SUPT3H: variants seen among roughly 807,000 people sequenced by gnomAD.
SUPT3H encodes the protein SPT3 homolog, SAGA and STAGA complex component.
Under a neutral mutation model 44.3 loss-of-function variants are expected in SUPT3H, and 44 were observed. That is an observed-to-expected ratio of 0.99 (90% CI 0.78 to 1.28). SUPT3H has a LOEUF of 1.28. SUPT3H is among the 50% of genes most tolerant of loss of function. The pLI is 0.00. For synonymous variants in SUPT3H, 124 were observed against 125.6 expected (o/e 0.99, Z 0.09); for missense variants, 380 against 387.1 (o/e 0.98, Z 0.15).
At position 44,921,187 on chromosome 6, in the gene SUPT3H, A is replaced by G. The variant is rs16872874; in HGVS notation, c.912+11466T>C. ...TTGAATAAATGCAGGTATCAAAGCT[A>G]TAAGGATCTCAGGACACATGTGGAT... On this transcript the variant is annotated intron_variant, in intron 10 of 10. Coordinates refer to ENST00000371459, the MANE Select transcript of SUPT3H (RefSeq NM_003599.4). 3.9e-3 allele frequency among the ~76,000 whole-genome samples: 598 copies of G among 152,352 alleles called. 7 individuals carry two copies. The highest frequency in any genetic ancestry group is 0.014 in the African/African-American group (569 of 41,590).
intron 10 of SUPT3H, among the ~76,000 whole-genome samples, chr6:44,910,791 C>T (rs1012411522): frequency 6.6e-6 from 1 of 151,206 alleles, no homozygotes; most frequent in Non-Finnish European, 1.5e-5. Context: ...GTCAGGAGTT[C>T]AAGACCAGTC....
intron 6 of SUPT3H, among the ~76,000 whole-genome samples, chr6:44,976,658 C>T (rs370315270): frequency 2.0e-5 from 3 of 152,142 alleles, no homozygotes; most frequent in South Asian, 4.1e-4. Context: ...GCACTGCGCC[C>T]GGCCATATTT....
intron 2 of SUPT3H, among the ~76,000 whole-genome samples, chr6:45,220,042 A>C (rs75034354): frequency 2.0e-4 from 8 of 39,318 alleles, no homozygotes; most frequent in African/African-American, 9.5e-4. Flanking sequence ...CTCTGTCTCA[A>C]AAAAAAAAAA....
At chr6:45,122,340 T>G (rs1583661978) in intron 2 of SUPT3H, among the ~76,000 whole-genome samples, 1 of 152,166 alleles carries the variant, frequency 6.6e-6, no homozygotes, top group Non-Finnish European at 1.5e-5. Flanking sequence ...CTACTTAAAT[T>G]TTCTTAAAAT....
chr6:44,898,180 A>G (rs1764394560), intron 10 of SUPT3H, among the ~76,000 whole-genome samples: 1 of 152,200 alleles, frequency 6.6e-6, no homozygotes, highest in South Asian at 2.1e-4. Context: ...TATCCTTCTT[A>G]AGGTATGGTG....
At chr6:45,266,172 T>TA (rs957886656) in intron 2 of SUPT3H, among the ~76,000 whole-genome samples, 1 of 151,424 alleles carries the variant, frequency 6.6e-6, no homozygotes, top group African/African-American at 2.4e-5. Flanking sequence ...ATTTTTTTTT[T>TA]AAGAAAGAGA....
At chr6:44,841,118 G>C (rs1031161370) in intron 10 of SUPT3H, among the ~76,000 whole-genome samples, 1 of 152,100 alleles carries the variant, frequency 6.6e-6, no homozygotes, top group Non-Finnish European at 1.5e-5. Context: ...GTACAGCCTG[G>C]AGAACCATGA....
At chr6:45,252,883 G>T (rs1315243644) in intron 2 of SUPT3H, among the ~76,000 whole-genome samples, 3 of 151,996 alleles carry the variant, frequency 2.0e-5, no homozygotes, top group African/African-American at 7.3e-5. Context: ...GCATTCCTAT[G>T]GATTATTCCT....
chr6:45,181,617 C>T (rs1349069234), intron 2 of SUPT3H, among the ~76,000 whole-genome samples: 1 of 149,232 alleles, frequency 6.7e-6, no homozygotes, highest in East Asian at 2.0e-4. Context: ...ATCGCAAGGA[C>T]AAAAAACCAA....
intron 2 of SUPT3H, among the ~76,000 whole-genome samples, chr6:45,218,090 T>C (rs953019604): frequency 1.3e-5 from 2 of 151,996 alleles, no homozygotes; most frequent in African/African-American, 2.4e-5. Context: ...AAATATACCA[T>C]TTAAAGGGGC....
At chr6:45,275,885 AAAAG>A (rs1776931787) in intron 2 of SUPT3H, among the ~76,000 whole-genome samples, 1 of 152,164 alleles carries the variant, frequency 6.6e-6, no homozygotes, top group Non-Finnish European at 1.5e-5. Flanking sequence ...AAAAAATTAA[AAAAG>A]AAACACACAC....
intron 10 of SUPT3H, among the ~76,000 whole-genome samples, chr6:44,896,461 T>C (rs899908802): frequency 6.6e-6 from 1 of 152,098 alleles, no homozygotes; most frequent in Non-Finnish European, 1.5e-5. Flanking sequence ...TACAGAGAGG[T>C]TAAGTAACTT....
chr6:45,082,910 A>C (rs1795998218), intron 3 of SUPT3H, among the ~76,000 whole-genome samples: 1 of 152,174 alleles, frequency 6.6e-6, no homozygotes, highest in Admixed American at 6.5e-5. Flanking sequence ...AGAAATGATA[A>C]ATGACTTTAG....
At chr6:45,050,883 T>TTA (rs1443226756) in intron 3 of SUPT3H, among the ~76,000 whole-genome samples, 4 of 139,856 alleles carry the variant, frequency 2.9e-5, no homozygotes, top group Admixed American at 7.1e-5. Flanking sequence ...ATGGGATTTT[T>TTA]TTTTTTTTTT....
intron 10 of SUPT3H, among the ~76,000 whole-genome samples, chr6:44,897,253 T>TA (rs1764249735): frequency 6.6e-6 from 1 of 152,236 alleles, no homozygotes; most frequent in African/African-American, 2.4e-5. Flanking sequence ...CCTCAACTCT[T>TA]TCGACAGAAT....
intron 2 of SUPT3H, among the ~76,000 whole-genome samples, chr6:45,177,850 T>C (rs1204850395): frequency 6.6e-6 from 1 of 151,940 alleles, no homozygotes; most frequent in Admixed American, 6.6e-5. Context: ...AATAAAATCC[T>C]TTACAGACAA....
chr6:44,862,515 A>T (rs542789357), intron 10 of SUPT3H, among the ~76,000 whole-genome samples: 2 of 151,970 alleles, frequency 1.3e-5, no homozygotes, highest in Admixed American at 6.6e-5. Flanking sequence ...CGCCTCTACT[A>T]AAAATACAAA....
At chr6:45,312,944 A>C (rs184540681) in intron 2 of SUPT3H, among the ~76,000 whole-genome samples, 204 of 152,338 alleles carry the variant, frequency 1.3e-3, no homozygotes, top group Non-Finnish European at 2.3e-3. Flanking sequence ...GCACTTTCTC[A>C]GACCACAGTG....
At chr6:44,811,788 C>T (rs1055428714) in intron 11 of SUPT3H, among the ~76,000 whole-genome samples, 2 of 152,096 alleles carry the variant, frequency 1.3e-5, no homozygotes, top group African/African-American at 4.8e-5. Context: ...TGCATACCTT[C>T]TCATAAGCCA....
Sources: gnomAD v4.1 joint callset for allele counts (sites outside exome capture counted in the v4.1 genomes callset) on GRCh38, gnomAD v4.1.1 for gene constraint, MANE v1.5 for transcripts, NCBI Gene and HGNC (gene_info 2026-07-23, HGNC 2026-07-21) for gene names.